The following DOCK4 variants were observed in gnomAD, a reference collection of about 807,000 sequenced individuals.
DOCK4 encodes the protein dedicator of cytokinesis protein 4.
A neutral mutation model predicts 268.1 loss-of-function variants in DOCK4; 97 were observed. The ratio of observed to expected loss-of-function variants is 0.36; its 90% CI spans 0.31 to 0.43. DOCK4 has a LOEUF of 0.43. Ranked by LOEUF, DOCK4 falls within the 20% of genes least tolerant of loss-of-function variation. DOCK4 has a pLI of 1.00. For synonymous variants in DOCK4, 954 were observed against 887.2 expected, an observed-to-expected ratio of 1.08 and a Z score of -1.34; for missense variants, 2,145 against 2,455.7, an observed-to-expected ratio of 0.87 and a Z score of 2.67.
chr7:111,826,775 G>T (rs1428854934), intron 26 of DOCK4, among the ~76,000 whole-genome samples: 1 of 152,046 alleles, frequency 6.6e-6, no homozygotes, highest in East Asian at 1.9e-4. Context: ...TACCTATTGG[G>T]TACTACATTC....
rs71524823 is a variant in DOCK4, at chr7:111,926,120, A to AAAAGAAAGAAAGAAAGAAAGAAAG, written c.1066+9396_1066+9419dup. ...AGAAAGAGAGAGAGAGAGAAAGAGA[A>AAAAGAAAGAAAGAAAGAAAGAAAG]AAAGAAAGAAAGAAAGAAAGAAAGA... On this transcript the variant is annotated intron_variant, in intron 12 of 52. Transcript: ENST00000428084. Among the ~76,000 whole-genome samples, 173 of 135,188 alleles carry AAAAGAAAGAAAGAAAGAAAGAAAG rather than the reference A, an allele frequency of 1.3e-3. 4 individuals carry two copies. The highest frequency in any genetic ancestry group is 4.9e-3 in the African/African-American group (162 of 33,116). The allele number at this position is 135,188 out of a possible 152,430, so 88.7% of individuals were successfully genotyped here. A position where few individuals can be genotyped will look rare whatever the true frequency, so the allele number is the denominator to read the frequency against.
At chr7:112,091,933 C>T (rs1019081036) in intron 1 of DOCK4, among the ~76,000 whole-genome samples, 1 of 152,070 alleles carries the variant, frequency 6.6e-6, no homozygotes, top group Non-Finnish European at 1.5e-5. Context: ...TCTCTTTATC[C>T]CCATTTGACC....
rs1355183846 is a variant in DOCK4 at position 112,159,815 on chromosome 7, A to AATACATAATATTATGTATATAT, written c.37+46265_37+46286dup. Among the ~76,000 whole-genome samples, 564 of 148,676 alleles carry AATACATAATATTATGTATATAT rather than the reference A, an allele frequency of 3.8e-3. 1 individual carries two copies. The highest frequency in any genetic ancestry group is 6.0e-3 in the Non-Finnish European group (404 of 67,400). On this transcript the variant is annotated intron_variant, in intron 1 of 52. Transcript: ENST00000428084. ...ATTTTGTATTATACTTATGTATAAT[A>AATACATAATATTATGTATATAT]ATACATAATATTATGTATATATATA...
chr7:111,835,331 T>TA (rs1452839129), intron 25 of DOCK4, among the ~76,000 whole-genome samples: 2 of 152,202 alleles, frequency 1.3e-5, no homozygotes, highest in Non-Finnish European at 2.9e-5. Context: ...AATCTCCTTT[T>TA]AAAAAATAGT....
At chr7:111,993,997 G>A (rs1799732096) in intron 5 of DOCK4, 138 bp downstream of exon 5, 1 of 507,348 alleles carries the variant, frequency 2.0e-6, no homozygotes, top group East Asian at 2.9e-5. Context: ...TAACAAGACT[G>A]TCTTGTTAAT....
intron 10 of DOCK4, among the ~76,000 whole-genome samples, chr7:111,943,244 T>C (rs1450927027): frequency 1.3e-5 from 2 of 152,126 alleles, no homozygotes; most frequent in African/African-American, 4.8e-5. Flanking sequence ...TAATAAAAAG[T>C]GCAATTACAA....
At position 111,877,201 on chromosome 7, in the gene DOCK4, TA is replaced by T; in HGVS notation, c.1588-16del. 7.0e-7 allele frequency: 1 copy of T among 1,424,472 alleles called. No individual in the cohort carries two copies. 88.2% of individuals were successfully genotyped at this position (1,424,472 alleles called of 1,614,324 possible). A position where few individuals can be genotyped will look rare whatever the true frequency, so the allele number is the denominator to read the frequency against. On this transcript the variant is annotated splice_polypyrimidine_tract_variant and intron_variant, in intron 16 of 52. Transcript: ENST00000428084. ...TTTTCTTCACACTGTTAAAAATATTTAAAAAAACATAAGGGAAGGGGAAGAG... is the reference window on the plus strand; with the variant it reads ...TTTTCTTCACACTGTTAAAAATATTTAAAAAACATAAGGGAAGGGGAAGAG...
intron 30 of DOCK4, 103 bp from the exon 31 acceptor site, chr7:111,790,708 C>T: frequency 7.8e-7 from 1 of 1,276,748 alleles, no homozygotes; most frequent in Non-Finnish European, 1.0e-6. Flanking sequence ...GAAATATATT[C>T]AATTATAGTC....
In DOCK4 at chr7:111,939,338, AC is replaced by A. The variant is rs577102758; in HGVS notation, c.977+771del. ...AGACCAGCCTGGCTAACACGGTGAAACCCCGTCTCTACTAAAAATACAAAAA... is the reference window on the plus strand; with the variant it reads ...AGACCAGCCTGGCTAACACGGTGAAACCCGTCTCTACTAAAAATACAAAAA... On this transcript the variant is annotated intron_variant, in intron 11 of 52. Transcript: ENST00000428084. Among the ~76,000 whole-genome samples the A allele has an allele frequency of 8.5e-3, 1,285 of 151,746 alleles. 19 individuals carry two copies. The highest frequency in any genetic ancestry group is 0.03 in the African/African-American group (1,224 of 41,356).
intron 17 of DOCK4, among the ~76,000 whole-genome samples, chr7:111,874,566 A>G (rs1586236767): frequency 6.6e-6 from 1 of 152,182 alleles, no homozygotes. Flanking sequence ...GTTCAGGCAA[A>G]ATTGCTGTAT....
Position 112,129,442 on chromosome 7 carries a change from T to C in DOCK4, c.37+76660A>G, listed in dbSNP as rs954217745. ...TTTTGTTTGATGGAACAATTCTGTA[T>C]CCTGATTATTGTGGTCGTTACATAT... On this transcript the variant is annotated intron_variant, in intron 1 of 52. Transcript: ENST00000428084. 2.0e-5 allele frequency among the ~76,000 whole-genome samples: 3 copies of C among 152,088 alleles called. 1 individual carries two copies. The highest frequency in any genetic ancestry group is 2.0e-4 in the Admixed American group (3 of 15,276).
At chr7:112,034,849 C>T (rs1342836281) in intron 1 of DOCK4, among the ~76,000 whole-genome samples, 1 of 152,094 alleles carries the variant, frequency 6.6e-6, no homozygotes, top group Non-Finnish European at 1.5e-5. Flanking sequence ...TTGCAGTGGG[C>T]CAAGATCCTG....
chr7:112,072,112 C>T (rs79624008), intron 1 of DOCK4, among the ~76,000 whole-genome samples: 4,012 of 152,206 alleles, frequency 0.026, 200 homozygotes, highest in African/African-American at 0.092. Context: ...TTCTCTGAGG[C>T]TCTATCAAAA....
chr7:111,935,483 A>T, intron 12 of DOCK4, 57 bp downstream of exon 12: 2 of 1,432,528 alleles, frequency 1.4e-6, no homozygotes, highest in South Asian at 2.3e-5. Context: ...ACAGACAAAC[A>T]AAAAAAAGGG....
chr7:111,863,274 T>G, intron 23 of DOCK4, 98 bp downstream of exon 23: 1 of 1,291,368 alleles, frequency 7.7e-7, no homozygotes, highest in Non-Finnish European at 1.1e-6. Flanking sequence ...AAAATGCCTT[T>G]TAGTGTTTTG....
intron 8 of DOCK4, 93 bp downstream of exon 8, chr7:111,977,039 A>C: frequency 7.2e-7 from 1 of 1,397,580 alleles, no homozygotes; most frequent in Middle Eastern, 1.9e-4. Flanking sequence ...CGGAGTAAAA[A>C]ATATACAAGA....
At chr7:112,150,209 T>A (rs1048504709) in intron 1 of DOCK4, among the ~76,000 whole-genome samples, 1 of 152,126 alleles carries the variant, frequency 6.6e-6, no homozygotes, top group African/African-American at 2.4e-5. Flanking sequence ...ACCCCAACTC[T>A]ACCTTTCTAA....
At chr7:111,968,697 A>T (rs1586526081) in intron 8 of DOCK4, among the ~76,000 whole-genome samples, 1 of 124,158 alleles carries the variant, frequency 8.1e-6, no homozygotes, top group East Asian at 2.6e-4. Flanking sequence ...TGACCCAGCC[A>T]TCGCATTACT....
rs148484640 is a variant in DOCK4 at position 112,028,436 on chromosome 7, T to C, written c.38-24305A>G. ...ATCAAAAGGACCTATCAATGCTTGT[T>C]TGAAAACAGCTACTCCACTATTGCA... is the stretch of plus-strand genomic sequence containing the variant. On this transcript the variant is annotated intron_variant, in intron 1 of 52. Coordinates refer to ENST00000428084, the MANE Select transcript of DOCK4 (RefSeq NM_001363540.2). Among the ~76,000 whole-genome samples, 354 of 152,316 alleles carry C rather than the reference T, an allele frequency of 2.3e-3. 3 individuals are homozygous for C. The highest frequency in any genetic ancestry group is 8.0e-3 in the African/African-American group (333 of 41,568).
Sources: gnomAD v4.1 joint callset for allele counts (sites outside exome capture counted in the v4.1 genomes callset) on GRCh38, gnomAD v4.1.1 for gene constraint, MANE v1.5 for transcripts, NCBI Gene and HGNC (gene_info 2026-07-23, HGNC 2026-07-21) for gene names.